Variants in HACE1 observed in about 807,000 individuals in gnomAD.
HACE1 encodes the protein E3 ubiquitin-protein ligase HACE1.
Under a neutral mutation model 118.4 loss-of-function variants are expected in HACE1, and 73 were observed. The ratio of observed to expected loss-of-function variants is 0.62; its 90% CI spans 0.51 to 0.75. The LOEUF is 0.75. HACE1 is among the 30% of genes least tolerant of loss of function. The probability of loss-of-function intolerance (pLI) is 0.00; values close to 1 mark genes in which losing one functional copy is unlikely to be tolerated. For missense variants in HACE1, 749 were observed against 1,102.2 expected, an observed-to-expected ratio of 0.68 and a Z score of 4.54; for synonymous variants, 368 against 374.8, an observed-to-expected ratio of 0.98 and a Z score of 0.21.
chr6:104,739,375 T>C (rs569598780), intron 22 of HACE1, among the ~76,000 whole-genome samples: 51 of 152,120 alleles, frequency 3.4e-4, no homozygotes, highest in Middle Eastern at 6.8e-3. Flanking sequence ...GACTGGCAAA[T>C]TGGATAAAGA....
At chr6:104,778,409 T>C (rs1306909106) in intron 14 of HACE1, among the ~76,000 whole-genome samples, 2 of 151,942 alleles carry the variant, frequency 1.3e-5, no homozygotes, top group Non-Finnish European at 2.9e-5. Flanking sequence ...TTCTCAACAA[T>C]GAAGCATGAG....
chr6:104,825,558 GATT>G (rs1293848318), intron 6 of HACE1, among the ~76,000 whole-genome samples: 1 of 152,194 alleles, frequency 6.6e-6, no homozygotes, highest in Non-Finnish European at 1.5e-5. Context: ...TTTAGCCTCT[GATT>G]AGTTGCTTCC....
chr6:104,736,127 AAT>A (rs1243898649), intron 22 of HACE1, among the ~76,000 whole-genome samples: 7 of 151,798 alleles, frequency 4.6e-5, no homozygotes, highest in Admixed American at 2.6e-4. Context: ...TTACATAAAA[AAT>A]ATAATTATTT....
intron 6 of HACE1, among the ~76,000 whole-genome samples, chr6:104,818,686 A>G (rs1324645594): frequency 2.0e-5 from 3 of 152,148 alleles, no homozygotes; most frequent in Non-Finnish European, 4.4e-5. Context: ...CATACACCAT[A>G]ATCAAGTAGG....
At chr6:104,781,682 T>A (rs1461365563) in intron 14 of HACE1, among the ~76,000 whole-genome samples, 1 of 152,078 alleles carries the variant, frequency 6.6e-6, no homozygotes, top group African/African-American at 2.4e-5. Context: ...GGCCCCTGCA[T>A]CCCACTGAGG....
chr6:104,836,189 C>A (rs1437642617), intron 5 of HACE1, among the ~76,000 whole-genome samples: 1 of 152,160 alleles, frequency 6.6e-6, no homozygotes, highest in East Asian at 1.9e-4. Flanking sequence ...AACAACTGTG[C>A]AGCAGACCTA....
chr6:104,774,300 C>T (rs1255093821), intron 17 of HACE1, among the ~76,000 whole-genome samples: 2 of 130,668 alleles, frequency 1.5e-5, no homozygotes, highest in South Asian at 2.4e-4. Flanking sequence ...CCGTTTTAGC[C>T]GGGATGGTCT....
chr6:104,858,217 C>G (rs1346258978), intron 1 of HACE1, among the ~76,000 whole-genome samples: 1 of 151,938 alleles, frequency 6.6e-6, no homozygotes, highest in Non-Finnish European at 1.5e-5. Context: ...TCAAACTAGA[C>G]AATATAAATT....
At chr6:104,756,528 T>C (rs1582682492) in intron 19 of HACE1, among the ~76,000 whole-genome samples, 1 of 152,110 alleles carries the variant, frequency 6.6e-6, no homozygotes, top group African/African-American at 2.4e-5. Flanking sequence ...TTACTTCAGC[T>C]TCCTTGAGAC....
chr6:104,746,712 C>G (rs764584746), intron 20 of HACE1, among the ~76,000 whole-genome samples: 67 of 152,258 alleles, frequency 4.4e-4, no homozygotes, highest in Non-Finnish European at 7.8e-4. Context: ...CTGCCCATAC[C>G]TCTGTCATAG....
chr6:104,757,312 G>A (rs7740864), intron 19 of HACE1, among the ~76,000 whole-genome samples: 22,209 of 152,056 alleles, frequency 0.15, 1,654 homozygotes, highest in Middle Eastern at 0.23. Flanking sequence ...TCATACAGGC[G>A]GGTGCCCCTC....
intron 6 of HACE1, among the ~76,000 whole-genome samples, chr6:104,821,045 GA>G (rs1189402971): frequency 1.3e-5 from 2 of 152,186 alleles, no homozygotes; most frequent in Non-Finnish European, 2.9e-5. Flanking sequence ...TCAGGGACAT[GA>G]ATGGAGCTGC....
Position 104,859,594 on chromosome 6 carries a change from G to A in HACE1, c.49C>T (p.Arg17Cys), listed in dbSNP as rs867456390. The A allele has an allele frequency of 6.5e-7, 1 of 1,528,330 alleles. No individual in the cohort carries two copies. The highest frequency in any genetic ancestry group is 8.8e-7 in the Non-Finnish European group (1 of 1,142,166). The allele number at this position is 1,528,330 out of a possible 1,614,324, so 94.7% of individuals were successfully genotyped here. A position where few individuals can be genotyped will look rare whatever the true frequency, so the allele number is the denominator to read the frequency against. ...TCGGGCAACTCCACGGTGCGCGCGC[G>A]GCGCAGCGAGCGCGTCAGGCGGTTG... is the stretch of plus-strand genomic sequence containing the variant. ...QLNRLTRSLR[R>C]ARTVELPEDN... is the part of the protein sequence containing the mutation. Residue 17 changes from arginine to cysteine, a missense_variant, in exon 1 of 24, where the codon CGC (arginine) becomes TGC (cysteine). By Grantham distance (180) the Arg-to-Cys change is radical. Coordinates refer to ENST00000262903, the MANE Select transcript of HACE1 (RefSeq NM_020771.4).
At chr6:104,839,817 C>T (rs1774917355) in intron 5 of HACE1, among the ~76,000 whole-genome samples, 1 of 152,138 alleles carries the variant, frequency 6.6e-6, no homozygotes, top group East Asian at 1.9e-4. Context: ...ACCAGCCTGG[C>T]CAACATCGTG....
At chr6:104,757,459 T>G (rs1778852415) in intron 19 of HACE1, among the ~76,000 whole-genome samples, 1 of 152,202 alleles carries the variant, frequency 6.6e-6, no homozygotes, top group African/African-American at 2.4e-5. Context: ...GGGGCCTGTT[T>G]GTTAGAAGGA....
chr6:104,816,050 G>A (rs148508598), intron 6 of HACE1, among the ~76,000 whole-genome samples: 3,525 of 151,086 alleles, frequency 0.023, 156 homozygotes, highest in African/African-American at 0.082. Context: ...TCCAGCCTGG[G>A]CGACAAGAGC....
At chr6:104,733,748 G>A (rs769370676) in intron 22 of HACE1, among the ~76,000 whole-genome samples, 2 of 151,574 alleles carry the variant, frequency 1.3e-5, no homozygotes, top group African/African-American at 2.4e-5. Context: ...GCTAAGGAAG[G>A]AGAATCGCTT....
intron 2 of HACE1, 108 bp from the exon 3 acceptor site, chr6:104,851,104 G>T: frequency 1.4e-6 from 1 of 735,092 alleles, no homozygotes; most frequent in Non-Finnish European, 2.5e-6. Flanking sequence ...TGTTTGTTGA[G>T]ACAAGAGTCT....
At chr6:104,730,847 A>T in intron 22 of HACE1, 1 of 162,814 alleles carries the variant, frequency 6.1e-6, no homozygotes, top group Non-Finnish European at 1.4e-5. Context: ...CGATTGACTA[A>T]TTCAAGCAAT....
Sources: gnomAD v4.1 joint callset for allele counts (sites outside exome capture counted in the v4.1 genomes callset) on GRCh38, gnomAD v4.1.1 for gene constraint, MANE v1.5 for transcripts, NCBI Gene and HGNC (gene_info 2026-07-23, HGNC 2026-07-21) for gene names.